Variants in IL12RB1 observed in about 807,000 individuals in gnomAD.
IL12RB1 encodes the protein interleukin 12 receptor subunit beta 1, also known as interleukin-12 receptor subunit beta-1.
In IL12RB1, 64 loss-of-function variants were observed where a neutral mutation model predicts 94.4. The ratio of observed to expected loss-of-function variants is 0.68; its 90% confidence interval spans 0.55 to 0.83. The LOEUF (loss-of-function observed/expected upper bound fraction) is 0.83. IL12RB1 is among the 40% of genes least tolerant of loss of function. IL12RB1 has a pLI of 0.00. For missense variants in IL12RB1, 814 were observed against 855.6 expected, an observed-to-expected ratio of 0.95 and a Z score of 0.61; for synonymous variants, 362 against 355.5, an observed-to-expected ratio of 1.02 and a Z score of -0.21.
Position 18,072,729 on chromosome 19 carries a change from T to G in IL12RB1, c.784-380A>C, listed in dbSNP as rs8106427. Among the ~76,000 whole-genome samples the G allele has an allele frequency of 4.1e-3, 628 of 152,056 alleles. 2 individuals carry two copies. Among genetic ancestry groups the G allele is most frequent in the African/African-American group, 0.015 (614 of 41,494 alleles). On this transcript the variant is annotated intron_variant, in intron 8 of 16. Coordinates refer to ENST00000593993, the MANE Select transcript of IL12RB1 (RefSeq NM_005535.3). Reference sequence around the variant, plus strand: ...TTGGGAGGCCGAGACGGGTAGATCATGAGGTCAGGAGATTGAGACCATCCT... The same window carrying G: ...TTGGGAGGCCGAGACGGGTAGATCAGGAGGTCAGGAGATTGAGACCATCCT...
intron 4 of IL12RB1, among the ~76,000 whole-genome samples, chr19:18,078,085 GGAGA>G (rs2035615756): frequency 6.6e-6 from 1 of 152,074 alleles, no homozygotes; most frequent in Non-Finnish European, 1.5e-5. Context: ...CTCCAATCTA[GGAGA>G]GAGAGGGAGA....
At chr19:18,075,672 C>T in intron 7 of IL12RB1, 77 bp downstream of exon 7, 2 of 1,288,566 alleles carry the variant, frequency 1.6e-6, no homozygotes, top group East Asian at 4.6e-5. Context: ...GCTGGAACTA[C>T]AGGTGTGCAC....
rs147766868 is a variant in IL12RB1 at position 18,072,171 on chromosome 19, G to T, written c.962C>A (p.Ser321Ter). Residue 321 changes from serine (S) to a stop codon, truncating the protein, a stop_gained, in exon 9 of 17, where the codon TCG (serine) becomes TAG (stop). Transcript: ENST00000593993. LOFTEE classifies it high-confidence loss of function. ...GTTCAGGCCAGGACCAAATTGGTTC[G>T]AGGAGATGACAGCCACGTTGTAGGC... The part of the protein sequence containing the change: ...GAAYNVAVIS[S>*]NQFGPGLNQT... The T allele has an allele frequency of 1.4e-5, 22 of 1,614,172 alleles. No individual in the cohort carries two copies. In the South Asian group the frequency reaches 1.6e-4, roughly 12 times the overall value.
intron 7 of IL12RB1, among the ~76,000 whole-genome samples, chr19:18,075,133 C>T (rs2035366237): frequency 6.6e-6 from 1 of 151,884 alleles, no homozygotes. Context: ...GCAGCAAGAC[C>T]GGATGCCACA....
At chr19:18,094,819 A>G (rs1308264072) in intron 1 of IL12RB1, among the ~76,000 whole-genome samples, 2 of 152,010 alleles carry the variant, frequency 1.3e-5, no homozygotes, top group Admixed American at 1.3e-4. Flanking sequence ...ACAACCCAAA[A>G]CATAGAGTTA....
intron 8 of IL12RB1, among the ~76,000 whole-genome samples, chr19:18,073,142 C>T (rs1190717231): frequency 2.6e-5 from 4 of 152,108 alleles, no homozygotes; most frequent in African/African-American, 9.6e-5. Context: ...CTCAGTTTCC[C>T]TCTCTGTAAA....
Position 18,069,908 on chromosome 19 carries a change from G to A in IL12RB1, c.1022-195C>T, listed in dbSNP as rs57048886. 4.8e-3 allele frequency among the ~76,000 whole-genome samples: 730 copies of A among 152,010 alleles called. 4 individuals are homozygous for A. The highest frequency in any genetic ancestry group is 0.016 in the African/African-American group (684 of 41,470). The stretch of plus-strand genomic sequence containing the variant: ...AGGCACAAAGTGGGTAGCAGATGGC[G>A]TTTGTTTTTTTTTGTTTTTTCTTTG... On this transcript the variant is annotated intron_variant, in intron 9 of 16. Transcript: ENST00000593993.
chr19:18,089,405 A>C (rs2036534182), upstream of IL12RB1, among the ~76,000 whole-genome samples: 1 of 152,086 alleles, frequency 6.6e-6, no homozygotes, highest in Non-Finnish European at 1.5e-5. Context: ...CAGGTGGATC[A>C]TTTGAGGTCA....
At position 18,066,192 on chromosome 19, in the gene IL12RB1, C is replaced by T. The variant is rs550586065; in HGVS notation, c.1483+350G>A. Reference sequence around the variant, plus strand: ...GTACAATCTCGGCTCACTGCAATCTCCGCCTCCTGGGTTCAAGCGATTCTC... The same window carrying T: ...GTACAATCTCGGCTCACTGCAATCTTCGCCTCCTGGGTTCAAGCGATTCTC... On this transcript the variant is annotated intron_variant, in intron 12 of 16. Coordinates refer to ENST00000593993, the MANE Select transcript of IL12RB1 (RefSeq NM_005535.3). 1.3e-4 allele frequency among the ~76,000 whole-genome samples: 20 copies of T among 152,152 alleles called. No individual in the cohort carries two copies. The South Asian group carries it at 2.3e-3, about 17-fold the overall frequency.
Position 18,063,825 on chromosome 19 carries a change from G to A in IL12RB1, c.1618+51C>T, listed in dbSNP as rs992631726. On this transcript the variant is annotated intron_variant, in intron 13 of 16. Coordinates refer to ENST00000593993, the MANE Select transcript of IL12RB1 (RefSeq NM_005535.3). ...GGCTGCTAAGATCATTGTGGGAAGC[G>A]CAGTGCAGTGCATGCTGGGTAAATA... 2.2e-5 allele frequency: 34 copies of A among 1,546,910 alleles called. No individual in the cohort carries two copies. The Admixed American group carries it at 4.0e-4, about 18-fold the overall frequency.
chr19:18,060,753 T>C (rs2034064041), intron 15 of IL12RB1, among the ~76,000 whole-genome samples: 1 of 152,062 alleles, frequency 6.6e-6, no homozygotes, highest in African/African-American at 2.4e-5. Context: ...CCTGAGACTT[T>C]TGCCCCAGTT....
At chr19:18,085,791 T>G (rs528133879) in intron 1 of IL12RB1, among the ~76,000 whole-genome samples, 66 of 152,064 alleles carry the variant, frequency 4.3e-4, no homozygotes, top group African/African-American at 1.5e-3. Flanking sequence ...GCATTTTTAG[T>G]AGAGATGGGG....
chr19:18,072,239 G>T lies in IL12RB1; in HGVS notation c.894C>A (p.Thr298=), dbSNP rs2146256922. ...GCATCTTCCCCAGGTGCAGGGTCCT[G>T]GTGGCCTTGGCCTTACACGGGCAGG... The part of the protein sequence containing the change: ...MLSCPCKAKA[T]RTLHLGKMPY... The change falls in exon 9 of 17, where the codon ACC becomes ACA. Residue 298 remains threonine, a synonymous_variant. Coordinates refer to ENST00000593993, the MANE Select transcript of IL12RB1 (RefSeq NM_005535.3). 5.0e-6 allele frequency: 8 copies of T among 1,614,104 alleles called. No homozygotes were observed. The highest frequency in any genetic ancestry group is 6.8e-6 in the Non-Finnish European group (8 of 1,179,962).
chr19:18,084,697 CCATA>C (rs71164365), intron 1 of IL12RB1, among the ~76,000 whole-genome samples: 18 of 84,102 alleles, frequency 2.1e-4, no homozygotes, highest in Middle Eastern at 6.3e-3. Flanking sequence ...ATCCATCCAT[CCATA>C]CATACATACA....
rs150261140 is a variant in IL12RB1 at position 18,069,654 on chromosome 19, G to T, written c.1081C>A (p.Arg361=). ...ATGCAATACGTCATGCTCTGAGCCCGGGCTGGCCAATACATGGTGGTCCCG... is the reference window on the plus strand; with the variant it reads ...ATGCAATACGTCATGCTCTGAGCCCTGGCTGGCCAATACATGGTGGTCCCG... ...TNGTTMYWPA[R]AQSMTYCIEW... The change falls in exon 10 of 17, where the codon CGG becomes AGG. Residue 361 remains arginine, a synonymous_variant. Coordinates refer to ENST00000593993, the MANE Select transcript of IL12RB1 (RefSeq NM_005535.3). 2.2e-5 allele frequency: 36 copies of T among 1,613,080 alleles called. No homozygotes were observed. In the Admixed American group the frequency reaches 2.5e-4, roughly 11 times the overall value.
chr19:18,096,085 A>G (rs2146631217), intron 1 of IL12RB1, among the ~76,000 whole-genome samples: 1 of 152,002 alleles, frequency 6.6e-6, no homozygotes, highest in South Asian at 2.1e-4. Flanking sequence ...AAAATTAGCC[A>G]GGCATGGTGG....
intron 6 of IL12RB1, 146 bp downstream of exon 6, chr19:18,076,151 T>G: frequency 1.4e-6 from 1 of 704,566 alleles, no homozygotes; most frequent in Non-Finnish European, 2.6e-6. Flanking sequence ...TTTCCCCACC[T>G]GCAATTTGGA....
At chr19:18,068,339 A>G (rs772864032) in intron 11 of IL12RB1, 50 bp downstream of exon 11, 2 of 1,476,088 alleles carry the variant, frequency 1.4e-6, no homozygotes, top group Admixed American at 4.4e-5. Context: ...ATTTTTTTAA[A>G]TTATTTAAAA....
At position 18,059,277 on chromosome 19, in the gene IL12RB1, C is replaced by A. The variant is rs1407409809; in HGVS notation, c.*331G>T. On this transcript the variant is annotated 3_prime_UTR_variant, in exon 17 of 17. Transcript: ENST00000593993. ...GAGCCCTTGAGTCCAGACTCCCCAT[C>A]CAGTGCTCCTGGGGGTGGATGCCCA... The A allele has an allele frequency of 6.5e-6, 3 of 458,574 alleles. No individual in the cohort carries two copies. The highest frequency in any genetic ancestry group is 4.0e-6 in the Non-Finnish European group (1 of 248,586). The allele number at this position is 458,574 out of a possible 1,614,324, so 28.4% of individuals were successfully genotyped here.
Sources: allele counts gnomAD v4.1 joint callset (sites outside exome capture counted in the v4.1 genomes callset), GRCh38; gene constraint gnomAD v4.1.1; transcripts MANE v1.5; gene names NCBI Gene and HGNC (gene_info 2026-07-23, HGNC 2026-07-21).